MICU1: variants seen among roughly 807,000 people sequenced by gnomAD.
The protein encoded by MICU1 is mitochondrial calcium uptake 1, also known as calcium uptake protein 1, mitochondrial.
A neutral mutation model predicts 56.8 loss-of-function variants in MICU1; 45 were observed. That is an observed-to-expected ratio of 0.79 (90% CI 0.62 to 1.02). The LOEUF (loss-of-function observed/expected upper bound fraction) is 1.02. MICU1 is among the 50% of genes least tolerant of loss of function. The probability of loss-of-function intolerance (pLI) is 0.00; values close to 1 mark genes in which losing one functional copy is unlikely to be tolerated. For missense variants in MICU1, 504 were observed against 587.1 expected (o/e 0.86, Z 1.46); for synonymous variants, 186 against 195.1 (o/e 0.95, Z 0.39).
chr10:72,469,838 T>C (rs116156971), intron 8 of MICU1, among the ~76,000 whole-genome samples: 98 of 152,330 alleles, frequency 6.4e-4, no homozygotes, highest in African/African-American at 2.3e-3. Flanking sequence ...CTTCTCTCCT[T>C]GGCTTACAGA....
intron 6 of MICU1, among the ~76,000 whole-genome samples, chr10:72,500,285 TATATATATATATATATA>T (rs1254219503): frequency 7.8e-4 from 8 of 10,214 alleles, no homozygotes; most frequent in South Asian, 6.9e-3. Context: ...TATATATATA[TATATATATATATATATA>T]TTTTTTTTTT....
chr10:72,479,636 C>T (rs1046740946), intron 6 of MICU1, among the ~76,000 whole-genome samples: 1 of 152,168 alleles, frequency 6.6e-6, no homozygotes, highest in Non-Finnish European at 1.5e-5. Flanking sequence ...TCAAGCAATC[C>T]TGCCTCAGCC....
At chr10:72,617,419 A>G (rs1275069148) in intron 1 of MICU1, among the ~76,000 whole-genome samples, 1 of 152,158 alleles carries the variant, frequency 6.6e-6, no homozygotes, top group African/African-American at 2.4e-5. Context: ...GAGGGGTACT[A>G]TGCTAAGTAC....
At chr10:72,440,165 G>A (rs1236359812) in intron 8 of MICU1, among the ~76,000 whole-genome samples, 1 of 152,188 alleles carries the variant, frequency 6.6e-6, no homozygotes, top group African/African-American at 2.4e-5. Flanking sequence ...CAAGGCTACA[G>A]TAACCAAAGC....
chr10:72,607,561 T>A (rs996586055), intron 1 of MICU1, among the ~76,000 whole-genome samples: 6 of 137,668 alleles, frequency 4.4e-5, no homozygotes, highest in African/African-American at 1.7e-4. Flanking sequence ...CGCTTGAACC[T>A]GGGAGGCAGA....
At chr10:72,517,507 C>T (rs574251430) in intron 5 of MICU1, among the ~76,000 whole-genome samples, 54 of 152,160 alleles carry the variant, frequency 3.5e-4, no homozygotes, top group African/African-American at 1.2e-3. Context: ...TTATTATAAA[C>T]GAAGTAACTC....
intron 9 of MICU1, among the ~76,000 whole-genome samples, chr10:72,414,570 T>C (rs1863922690): frequency 6.6e-6 from 1 of 152,198 alleles, no homozygotes. Flanking sequence ...AGGGATCTTT[T>C]TGGGGTGATG....
chr10:72,369,192 C>A (rs1054004081), intron 11 of MICU1, among the ~76,000 whole-genome samples: 1 of 151,634 alleles, frequency 6.6e-6, no homozygotes, highest in Non-Finnish European at 1.5e-5. Flanking sequence ...GCAGGAAGAT[C>A]GCTTGATTAC....
chr10:72,526,133 A>G (rs1021337209), intron 5 of MICU1, among the ~76,000 whole-genome samples: 3 of 152,164 alleles, frequency 2.0e-5, no homozygotes, highest in Non-Finnish European at 2.9e-5. Flanking sequence ...CTAATTTGAA[A>G]GAGGAGCTAA....
intron 1 of MICU1, among the ~76,000 whole-genome samples, chr10:72,598,806 A>G (rs1358522039): frequency 6.6e-6 from 1 of 152,208 alleles, no homozygotes. Flanking sequence ...AGGGTCTGGA[A>G]AAAACTATTT....
At chr10:72,420,091 C>T (rs1864107156) in intron 9 of MICU1, among the ~76,000 whole-genome samples, 1 of 152,134 alleles carries the variant, frequency 6.6e-6, no homozygotes, top group Non-Finnish European at 1.5e-5. Context: ...CGGAGTTTCG[C>T]TCTTGTTACC....
At chr10:72,416,870 G>A (rs1016131840) in intron 9 of MICU1, among the ~76,000 whole-genome samples, 7 of 152,162 alleles carry the variant, frequency 4.6e-5, no homozygotes, top group South Asian at 2.1e-4. Flanking sequence ...AGCATTTACC[G>A]CCACCATACA....
At chr10:72,514,459 C>T (rs745965863) in intron 5 of MICU1, among the ~76,000 whole-genome samples, 5 of 151,970 alleles carry the variant, frequency 3.3e-5, no homozygotes, top group Non-Finnish European at 7.4e-5. Flanking sequence ...TCGCATTCTT[C>T]CCCTTCCTCA....
At chr10:72,573,897 C>T (rs1840678040) in intron 1 of MICU1, among the ~76,000 whole-genome samples, 1 of 152,158 alleles carries the variant, frequency 6.6e-6, no homozygotes. Flanking sequence ...TTATGTAAAT[C>T]AAGCTCATAT....
chr10:72,534,584 T>C (rs1278616106), intron 4 of MICU1, among the ~76,000 whole-genome samples: 2 of 152,196 alleles, frequency 1.3e-5, no homozygotes, highest in Non-Finnish European at 2.9e-5. Flanking sequence ...GTGGAGAAAT[T>C]AGTACTCAGT....
chr10:72,412,220 A>G (rs1448157144), intron 9 of MICU1, among the ~76,000 whole-genome samples: 1 of 152,254 alleles, frequency 6.6e-6, no homozygotes, highest in African/African-American at 2.4e-5. Context: ...GTGGCTGGAA[A>G]GATGGAAAGA....
rs551273034 is a variant in MICU1, at chr10:72,621,195, C to T, written c.-2+4815G>A. Among the ~76,000 whole-genome samples the T allele has an allele frequency of 1.9e-4, 29 of 152,274 alleles. No homozygotes were observed. In the South Asian group the frequency reaches 2.5e-3, roughly 13 times the overall value. On this transcript the variant is annotated intron_variant, in intron 1 of 11. Transcript: ENST00000361114. Reference sequence around the variant, plus strand: ...TTATGGTAATTTATTTTACATACCACGTTCAAAATAAAGTGGTTTTGGATG... The same window carrying T: ...TTATGGTAATTTATTTTACATACCATGTTCAAAATAAAGTGGTTTTGGATG...
At position 72,623,300 on chromosome 10, in the gene MICU1, C is replaced by CAAAAGA. The variant is rs1346473118; in HGVS notation, c.-2+2709_-2+2710insTCTTTT. On this transcript the variant is annotated intron_variant, in intron 1 of 11. Coordinates refer to ENST00000361114, the MANE Select transcript of MICU1 (RefSeq NM_001195518.2). ...GACAAGACAGAGCGAGACTCCGTCT[C>CAAAAGA]AAAAAAAAAAAAAAAAAAAAAGACA... Among the ~76,000 whole-genome samples, 31 of 55,926 alleles carry CAAAAGA rather than the reference C, an allele frequency of 5.5e-4. No individual in the cohort carries two copies. The South Asian group carries it at 0.029, about 52-fold the overall frequency. 36.7% of individuals were successfully genotyped at this position (55,926 alleles called of 152,430 possible). A position where few individuals can be genotyped will look rare whatever the true frequency, so the allele number is the denominator to read the frequency against.
chr10:72,543,304 T>C (rs1028596771), intron 4 of MICU1, among the ~76,000 whole-genome samples: 9 of 152,208 alleles, frequency 5.9e-5, no homozygotes, highest in African/African-American at 1.7e-4. Flanking sequence ...GTTTTTAAAA[T>C]ACATTCCATG....
Sources: allele counts gnomAD v4.1 joint callset (sites outside exome capture counted in the v4.1 genomes callset), GRCh38; gene constraint gnomAD v4.1.1; transcripts MANE v1.5; gene names NCBI Gene and HGNC (gene_info 2026-07-23, HGNC 2026-07-21).